The following GRM3 variants were observed in gnomAD, a reference collection of about 807,000 sequenced individuals.
The protein encoded by GRM3 is glutamate metabotropic receptor 3.
GRM3 carries 26 observed loss-of-function variants against 70.5 expected under a neutral mutation model. That is an observed-to-expected ratio of 0.37 (90% CI 0.27 to 0.51). The LOEUF (loss-of-function observed/expected upper bound fraction) is 0.51. Ranked by LOEUF, GRM3 falls within the 20% of genes least tolerant of loss-of-function variation. GRM3 has a pLI of 0.93. For synonymous variants in GRM3, 443 were observed against 434.9 expected (o/e 1.02, Z -0.23); for missense variants, 859 against 1,123.8 (o/e 0.76, Z 3.37).
chr7:86,723,780 G>T (rs963838832), intron 1 of GRM3, among the ~76,000 whole-genome samples: 2 of 152,048 alleles, frequency 1.3e-5, no homozygotes, highest in Non-Finnish European at 2.9e-5. Context: ...GCCCCTAGTT[G>T]CAGTCTTCAC....
chr7:86,788,917 A>G (rs1326711665), intron 3 of GRM3, among the ~76,000 whole-genome samples: 1 of 152,226 alleles, frequency 6.6e-6, no homozygotes, highest in Non-Finnish European at 1.5e-5. Context: ...CTAAAATAAA[A>G]TGAACGCTTA....
chr7:86,780,421 G>T (rs74520959), intron 2 of GRM3, among the ~76,000 whole-genome samples: 1 of 152,082 alleles, frequency 6.6e-6, no homozygotes, highest in Non-Finnish European at 1.5e-5. Flanking sequence ...ATTTCTTCTT[G>T]AGCAAAATTA....
chr7:86,717,075 T>C (rs1214175917), intron 1 of GRM3, among the ~76,000 whole-genome samples: 2 of 151,764 alleles, frequency 1.3e-5, no homozygotes, highest in East Asian at 1.9e-4. Context: ...ATAATGAAGA[T>C]TGAGTGAGCC....
At chr7:86,772,650 T>C (rs938564918) in intron 2 of GRM3, among the ~76,000 whole-genome samples, 10 of 152,178 alleles carry the variant, frequency 6.6e-5, no homozygotes, top group Middle Eastern at 6.8e-3. Context: ...ACGGGAAGAA[T>C]ATGCAGGGAA....
At chr7:86,763,483 A>C (rs1325058097) in intron 1 of GRM3, among the ~76,000 whole-genome samples, 10 of 152,178 alleles carry the variant, frequency 6.6e-5, no homozygotes, top group Non-Finnish European at 1.0e-4. Flanking sequence ...ACATAGGTTC[A>C]TGTGTGCATG....
chr7:86,717,121 C>T (rs1795335702), intron 1 of GRM3, among the ~76,000 whole-genome samples: 1 of 152,014 alleles, frequency 6.6e-6, no homozygotes, highest in Admixed American at 6.6e-5. Context: ...AGCTATTTGT[C>T]CCATTATAAA....
At chr7:86,696,444 T>G (rs1049076051) in intron 1 of GRM3, among the ~76,000 whole-genome samples, 1 of 152,146 alleles carries the variant, frequency 6.6e-6, no homozygotes, top group African/African-American at 2.4e-5. Context: ...AAATTTTCCC[T>G]TACAGCCTCC....
intron 1 of GRM3, among the ~76,000 whole-genome samples, chr7:86,694,511 C>CAAAAA (rs1226119828): frequency 4.3e-4 from 16 of 37,576 alleles, no homozygotes; most frequent in South Asian, 1.8e-3. Context: ...GACTCTGTCT[C>CAAAAA]AAAAAAAAAA....
intron 1 of GRM3, among the ~76,000 whole-genome samples, chr7:86,756,922 C>A (rs1049177521): frequency 1.3e-5 from 2 of 152,002 alleles, no homozygotes; most frequent in African/African-American, 2.4e-5. Flanking sequence ...TAGATTATTT[C>A]TTTTGGTCCA....
chr7:86,716,990 C>T (rs1315390671), intron 1 of GRM3, among the ~76,000 whole-genome samples: 1 of 151,904 alleles, frequency 6.6e-6, no homozygotes, highest in Non-Finnish European at 1.5e-5. Flanking sequence ...TACTTATTAA[C>T]CATGTGTACT....
chr7:86,859,867 A>G (rs748761652), intron 5 of GRM3, among the ~76,000 whole-genome samples: 2 of 152,212 alleles, frequency 1.3e-5, no homozygotes, highest in African/African-American at 4.8e-5. Context: ...GATTTTGCAG[A>G]GCAAGACAAA....
intron 1 of GRM3, among the ~76,000 whole-genome samples, chr7:86,652,747 C>T (rs575560477): frequency 3.9e-5 from 6 of 152,164 alleles, no homozygotes; most frequent in African/African-American, 1.4e-4. Context: ...CTTTATACTC[C>T]CCCATGTATT....
chr7:86,679,503 G>A (rs1320850524), intron 1 of GRM3, among the ~76,000 whole-genome samples: 3 of 151,834 alleles, frequency 2.0e-5, no homozygotes, highest in South Asian at 2.1e-4. Flanking sequence ...AGGATAAAGG[G>A]GAATTAGCCA....
At chr7:86,698,589 A>G (rs1287292101) in intron 1 of GRM3, among the ~76,000 whole-genome samples, 1 of 148,372 alleles carries the variant, frequency 6.7e-6, no homozygotes, top group African/African-American at 2.5e-5. Flanking sequence ...ATACACACAC[A>G]CACACATATA....
rs138119016 is a variant in GRM3 at position 86,840,190 on chromosome 7, G to A, written c.2391+285G>A. Among the ~76,000 whole-genome samples, 985 of 152,166 alleles carry A rather than the reference G, an allele frequency of 6.5e-3. 13 individuals are homozygous for A. Among genetic ancestry groups the A allele is most frequent in the African/African-American group, 0.022 (900 of 41,518 alleles). On this transcript the variant is annotated intron_variant, in intron 4 of 5. Coordinates refer to ENST00000361669, the MANE Select transcript of GRM3 (RefSeq NM_000840.3). ...TAGTGGGAGATAAAATGTAATACACGTACACATAATGTTAATTAAACTTAA... is the reference window on the plus strand; with the variant it reads ...TAGTGGGAGATAAAATGTAATACACATACACATAATGTTAATTAAACTTAA...
At chr7:86,781,103 GA>G (rs1797046109) in intron 2 of GRM3, among the ~76,000 whole-genome samples, 1 of 152,030 alleles carries the variant, frequency 6.6e-6, no homozygotes. Context: ...TATAAAATGG[GA>G]TAATGGTAGT....
Position 86,827,653 on chromosome 7 carries a change from A to G in GRM3, c.1325-11186A>G, listed in dbSNP as rs2116704072. ...CCCAGCCTCCCGAGTAGCTGTTATT[A>G]CAGGCGCCCACCACCATGGCCAGCT... On this transcript the variant is annotated intron_variant, in intron 3 of 5. Transcript: ENST00000361669. Among the ~76,000 whole-genome samples, 2 of 151,970 alleles carry G rather than the reference A, an allele frequency of 1.3e-5. 1 individual carries two copies. Among genetic ancestry groups the G allele is most frequent in the South Asian group, 4.2e-4 (2 of 4,810 alleles).
At chr7:86,818,617 A>G (rs1798061304) in intron 3 of GRM3, among the ~76,000 whole-genome samples, 2 of 152,130 alleles carry the variant, frequency 1.3e-5, no homozygotes, top group South Asian at 4.1e-4. Context: ...TGCAGCAATA[A>G]TCATACATAT....
intron 1 of GRM3, among the ~76,000 whole-genome samples, chr7:86,753,116 C>T (rs776378504): frequency 1.3e-5 from 2 of 152,016 alleles, no homozygotes; most frequent in Non-Finnish European, 2.9e-5. Flanking sequence ...GATCACACAC[C>T]ACCTTACACC....
Sources: gnomAD v4.1 joint callset for allele counts (sites outside exome capture counted in the v4.1 genomes callset) on GRCh38, gnomAD v4.1.1 for gene constraint, MANE v1.5 for transcripts, NCBI Gene and HGNC (gene_info 2026-07-23, HGNC 2026-07-21) for gene names.